PDE4D: variants seen among roughly 807,000 people sequenced by gnomAD.
The protein encoded by PDE4D is phosphodiesterase 4D, also known as 3',5'-cyclic-AMP phosphodiesterase 4D.
In PDE4D, 24 loss-of-function variants were observed where a neutral mutation model predicts 87.4. The ratio of observed to expected loss-of-function variants is 0.27; its 90% CI spans 0.20 to 0.39. The LOEUF (loss-of-function observed/expected upper bound fraction) is 0.39, where lower values mean the gene tolerates loss of function less well. Among genes scored for constraint, PDE4D ranks in the 10% least tolerant of loss-of-function variants. PDE4D has a pLI of 1.00. For synonymous variants in PDE4D, 384 were observed against 383.2 expected (o/e 1.00, Z -0.02); for missense variants, 714 against 1,041.0 (o/e 0.69, Z 4.32).
intron 1 of PDE4D, among the ~76,000 whole-genome samples, chr5:59,751,574 G>GGTGCGTGT (rs1554076410): frequency 2.1e-5 from 3 of 142,630 alleles, no homozygotes; most frequent in Middle Eastern, 3.3e-3. Context: ...ATAAATCCCT[G>GGTGCGTGT]GTGTGTGTGT....
chr5:60,062,169 A>C (rs1283044750), intron 2 of PDE4D, among the ~76,000 whole-genome samples: 1 of 152,074 alleles, frequency 6.6e-6, no homozygotes, highest in East Asian at 1.9e-4. Context: ...CCATCTGACA[A>C]AGGGCTACCA....
Position 59,893,579 on chromosome 5 carries a change from C to T in PDE4D, c.44G>A (p.Gly15Glu). Residue 15 changes from glycine (G) to glutamate (E), a missense_variant, in exon 1 of 15, where the codon GGA (glycine) becomes GAA (glutamate). Around this residue, in one of 7 missense-constraint regions of PDE4D, gnomAD observed 268 missense variants for 272.9 expected, o/e 0.98. Transcript: ENST00000340635. Reference sequence around the variant, plus strand: ...CCCGCCGGCGCTGTCGCTGCCCTCTCCGCTGCCCGCCCGGGCCGGCGCGCT... The same window carrying T: ...CCCGCCGGCGCTGTCGCTGCCCTCTTCGCTGCCCGCCCGGGCCGGCGCGCT... ...GSSAPARAGS[G>E]EGSDSAGGAT... is the part of the protein sequence containing the mutation. The T allele has an allele frequency of 6.6e-7, 1 of 1,525,130 alleles. No individual in the cohort carries two copies. The highest frequency in any genetic ancestry group is 1.4e-5 in the African/African-American group (1 of 70,210). The allele number at this position is 1,525,130 out of a possible 1,614,324, so 94.5% of individuals were successfully genotyped here.
chr5:59,450,571 C>G (rs894168973), intron 1 of PDE4D, among the ~76,000 whole-genome samples: 1 of 152,198 alleles, frequency 6.6e-6, no homozygotes, highest in East Asian at 1.9e-4. Context: ...ATTCTAACAA[C>G]TATTAATCAA....
At chr5:60,389,384 T>A (rs1392841783) in intron 1 of PDE4D, among the ~76,000 whole-genome samples, 1 of 151,154 alleles carries the variant, frequency 6.6e-6, no homozygotes, top group Non-Finnish European at 1.5e-5. Flanking sequence ...GATTAAAAAA[T>A]TTTAATCATA....
At chr5:60,314,267 A>T (rs985029595) in intron 1 of PDE4D, among the ~76,000 whole-genome samples, 2 of 151,996 alleles carry the variant, frequency 1.3e-5, no homozygotes, top group African/African-American at 4.8e-5. Flanking sequence ...CCTGAGTTCA[A>T]GTAATTCTCC....
intron 1 of PDE4D, among the ~76,000 whole-genome samples, chr5:59,816,823 A>C (rs1769027577): frequency 6.6e-6 from 1 of 152,144 alleles, no homozygotes; most frequent in Non-Finnish European, 1.5e-5. Flanking sequence ...CTGAGTCAAG[A>C]GATATCGTGG....
chr5:60,506,695 T>C (rs531457723), intron 1 of PDE4D, among the ~76,000 whole-genome samples: 5 of 152,240 alleles, frequency 3.3e-5, no homozygotes, highest in African/African-American at 1.2e-4. Context: ...GAAATGATAC[T>C]GTGGGAAGAG....
At chr5:60,313,710 G>C (rs1438804996) in intron 1 of PDE4D, among the ~76,000 whole-genome samples, 1 of 152,058 alleles carries the variant, frequency 6.6e-6, no homozygotes, top group East Asian at 1.9e-4. Context: ...ACTATGTCCT[G>C]GATCGAACAG....
At chr5:60,078,218 G>C (rs147057929) in intron 2 of PDE4D, among the ~76,000 whole-genome samples, 4 of 152,256 alleles carry the variant, frequency 2.6e-5, no homozygotes, top group Non-Finnish European at 5.9e-5. Context: ...TTTAGGTTCT[G>C]TGGAGATAGG....
chr5:59,036,011 GAAACATATAT>G (rs1758435593), intron 6 of PDE4D, among the ~76,000 whole-genome samples: 1 of 152,194 alleles, frequency 6.6e-6, no homozygotes, highest in Non-Finnish European at 1.5e-5. Context: ...CAACAAGCAA[GAAACATATAT>G]AATACCAATA....
At chr5:59,490,579 A>T (rs1186255596) in intron 1 of PDE4D, among the ~76,000 whole-genome samples, 1 of 152,232 alleles carries the variant, frequency 6.6e-6, no homozygotes, top group African/African-American at 2.4e-5. Flanking sequence ...CATAATGTAA[A>T]CCACTTAGAA....
At chr5:59,998,091 T>C (rs1467078631) in intron 2 of PDE4D, among the ~76,000 whole-genome samples, 2 of 152,198 alleles carry the variant, frequency 1.3e-5, no homozygotes, top group Admixed American at 6.5e-5. Context: ...GACCTCCCTC[T>C]AGCCACCTCG....
intron 1 of PDE4D, among the ~76,000 whole-genome samples, chr5:59,526,058 T>C (rs1046617483): frequency 3.9e-5 from 6 of 152,134 alleles, no homozygotes; most frequent in Admixed American, 1.3e-4. Flanking sequence ...CAAAAATAGA[T>C]GTGCAGCAAA....
chr5:59,623,753 G>A lies in PDE4D; in HGVS notation c.455+269415C>T, dbSNP rs298050. Among the ~76,000 whole-genome samples the A allele has an allele frequency of 1.1e-3, 167 of 152,234 alleles. 3 individuals are homozygous for A. In the East Asian group the frequency reaches 0.027, roughly 24 times the overall value. On this transcript the variant is annotated intron_variant, in intron 1 of 14. Transcript: ENST00000340635. ...ATCTTGACTAGATGTTCAATGAATC[G>A]TGCTATTTACATTTAAGGAGGGTTC...
At chr5:60,022,156 T>TG (rs1766132742) in intron 2 of PDE4D, among the ~76,000 whole-genome samples, 1 of 147,510 alleles carries the variant, frequency 6.8e-6, no homozygotes, top group Non-Finnish European at 1.5e-5. Context: ...AGCCAGAGTC[T>TG]GGATAGGACA....
At position 59,431,026 on chromosome 5, in the gene PDE4D, C is replaced by G. The variant is rs114672209; in HGVS notation, c.456-215058G>C. 5.6e-3 allele frequency among the ~76,000 whole-genome samples: 848 copies of G among 152,126 alleles called. 25 individuals are homozygous for G. In the East Asian group the frequency reaches 0.075, roughly 13 times the overall value. On this transcript the variant is annotated intron_variant, in intron 1 of 14. Coordinates refer to ENST00000340635, the MANE Select transcript of PDE4D (RefSeq NM_001104631.2). Reference sequence around the variant, plus strand: ...TCATAAATTACTATTCATGATAGAACTGAACTTAGCCTCTCAGGAACATAA... The same window carrying G: ...TCATAAATTACTATTCATGATAGAAGTGAACTTAGCCTCTCAGGAACATAA...
chr5:60,058,809 G>A (rs761638829), intron 2 of PDE4D, among the ~76,000 whole-genome samples: 1 of 151,978 alleles, frequency 6.6e-6, no homozygotes, highest in Admixed American at 6.6e-5. Flanking sequence ...TCATACGAGA[G>A]ATACCGTATG....
chr5:59,765,563 G>C (rs1226113404), intron 1 of PDE4D, among the ~76,000 whole-genome samples: 2 of 152,162 alleles, frequency 1.3e-5, no homozygotes, highest in Non-Finnish European at 2.9e-5. Flanking sequence ...AAGAAAACGA[G>C]TATAAGTGAC....
Position 60,298,418 on chromosome 5 carries a change from A to G in PDE4D, c.-89-112731T>C, listed in dbSNP as rs144456204. Among the ~76,000 whole-genome samples, 3 of 152,326 alleles carry G rather than the reference A, an allele frequency of 2.0e-5. No homozygotes were observed. In the East Asian group the frequency reaches 5.8e-4, roughly 29 times the overall value. Reference sequence around the variant, plus strand: ...TTTCAAATGAATGTATTCCTCTGCAATTTGATTCTGCAAAAAAATGTATGC... The same window carrying G: ...TTTCAAATGAATGTATTCCTCTGCAGTTTGATTCTGCAAAAAAATGTATGC... On this transcript the variant is annotated intron_variant, in intron 1 of 16. Transcript: ENST00000502484.
Sources: allele counts gnomAD v4.1 joint callset (sites outside exome capture counted in the v4.1 genomes callset), GRCh38; gene constraint gnomAD v4.1.1; regional missense constraint gnomAD v4.1.1; transcripts MANE v1.5; gene names NCBI Gene and HGNC (gene_info 2026-07-23, HGNC 2026-07-21).